The following POC1B variants were observed in gnomAD, a reference collection of about 807,000 sequenced individuals.
POC1B encodes POC1 centriolar protein homolog B.
In POC1B, 44 loss-of-function variants were observed where a neutral mutation model predicts 60.6. The ratio of observed to expected loss-of-function variants is 0.73; its 90% confidence interval spans 0.57 to 0.93. POC1B has a LOEUF of 0.93. Among genes scored for constraint, POC1B ranks in the 40% least tolerant of loss-of-function variants. The pLI is 0.00. For synonymous variants in POC1B, 180 were observed against 198.9 expected (o/e 0.90, Z 0.80); for missense variants, 555 against 572.3 (o/e 0.97, Z 0.31).
At chr12:89,499,355 G>A (rs1002738906) in intron 2 of POC1B, among the ~76,000 whole-genome samples, 1 of 152,172 alleles carries the variant, frequency 6.6e-6, no homozygotes, top group Non-Finnish European at 1.5e-5. Flanking sequence ...ACTAGAAGAG[G>A]GAGGAAAGGA....
chr12:89,409,277 T>C, the POC1B span, among the ~76,000 whole-genome samples: 2 of 152,224 alleles, frequency 1.3e-5, no homozygotes, highest in Non-Finnish European at 2.9e-5. Flanking sequence ...AAATCTTTAA[T>C]CCATCTTGAG....
At chr12:89,475,555 T>C (rs1341387583) in intron 4 of POC1B, among the ~76,000 whole-genome samples, 16 of 152,182 alleles carry the variant, frequency 1.1e-4, no homozygotes. Context: ...ACATCAAAAA[T>C]AGGTTAGCAC....
At chr12:89,408,612 A>G in the POC1B span, among the ~76,000 whole-genome samples, 1 of 151,850 alleles carries the variant, frequency 6.6e-6, no homozygotes, top group Non-Finnish European at 1.5e-5. Flanking sequence ...CAGCCTCCCA[A>G]GTAGCTGGGG....
intron 10 of POC1B, among the ~76,000 whole-genome samples, chr12:89,448,918 T>C (rs1220623040): frequency 1.3e-5 from 2 of 152,186 alleles, no homozygotes; most frequent in African/African-American, 4.8e-5. Context: ...CTTACAAACA[T>C]TGGTTGACTC....
chr12:89,424,183 A>G (rs1270108279), intron 11 of POC1B, among the ~76,000 whole-genome samples: 2 of 152,228 alleles, frequency 1.3e-5, no homozygotes, highest in Non-Finnish European at 2.9e-5. Context: ...TGATAACTAC[A>G]GGATAAAAAT....
rs1298712158 is a variant in POC1B, at chr12:89,470,349, G to T, written c.810+12C>A. ...TTTTATATATAAAAAGCAAGAATCT[G>T]AGTGTTAATACCGTATGTCCTTGAA... On this transcript the variant is annotated intron_variant, in intron 7 of 11. Transcript: ENST00000313546. 1 of 1,328,754 alleles carries T rather than the reference G, an allele frequency of 7.5e-7. No individual in the cohort carries two copies. Among genetic ancestry groups the T allele is most frequent in the Non-Finnish European group, 9.8e-7 (1 of 1,020,004 alleles). 82.3% of individuals were successfully genotyped at this position (1,328,754 alleles called of 1,614,324 possible).
intron 2 of POC1B, chr12:89,523,977 G>T: frequency 6.2e-7 from 1 of 1,613,872 alleles, no homozygotes; most frequent in East Asian, 2.2e-5. Flanking sequence ...TATCAAGATT[G>T]CTGATGTAAG....
intron 2 of POC1B, among the ~76,000 whole-genome samples, chr12:89,509,013 A>G (rs1186396918): frequency 6.6e-6 from 1 of 152,180 alleles, no homozygotes; most frequent in Non-Finnish European, 1.5e-5. Context: ...GACTATATAA[A>G]TATCGTCTTC....
chr12:89,457,972 G>GCTGT (rs1882324530), intron 10 of POC1B, among the ~76,000 whole-genome samples: 1 of 152,178 alleles, frequency 6.6e-6, no homozygotes, highest in Non-Finnish European at 1.5e-5. Flanking sequence ...GGGACATCCT[G>GCTGT]CTGTCCCTTG....
intron 9 of POC1B, among the ~76,000 whole-genome samples, chr12:89,465,290 G>GA (rs1281127100): frequency 6.6e-6 from 1 of 152,090 alleles, no homozygotes; most frequent in Non-Finnish European, 1.5e-5. Flanking sequence ...GTAAATCAGA[G>GA]AAAAAATGGC....
chr12:89,476,747 T>TAGACAGAC (rs755421486), intron 4 of POC1B, among the ~76,000 whole-genome samples: 2 of 128,710 alleles, frequency 1.6e-5, no homozygotes, highest in African/African-American at 5.9e-5. Flanking sequence ...GATAGATAGA[T>TAGACAGAC]AGATAGATAG....
At chr12:89,451,726 T>C (rs1882049761) in intron 10 of POC1B, among the ~76,000 whole-genome samples, 1 of 152,198 alleles carries the variant, frequency 6.6e-6, no homozygotes, top group Non-Finnish European at 1.5e-5. Context: ...CTGAAAAATA[T>C]GTGTTAGCAG....
intron 1 of POC1B, chr12:89,525,509 G>A (rs1410418600): frequency 4.6e-6 from 6 of 1,315,938 alleles, no homozygotes; most frequent in Non-Finnish European, 5.8e-6. Flanking sequence ...CCGCCCGCTG[G>A]CCCAAGGCAG....
intron 7 of POC1B, 50 bp downstream of exon 7, chr12:89,470,311 T>C (rs1882838300): frequency 1.0e-6 from 1 of 991,682 alleles, no homozygotes; most frequent in East Asian, 4.3e-5. Context: ...TTAAAATATA[T>C]ATTATTTTAT....
At chr12:89,447,118 CAA>C (rs1364821150) in intron 10 of POC1B, among the ~76,000 whole-genome samples, 21 of 152,004 alleles carry the variant, frequency 1.4e-4, no homozygotes, top group Admixed American at 2.6e-4. Flanking sequence ...CTCTCTAAAT[CAA>C]AAGTTTTCAA....
At position 89,425,160 on chromosome 12, in the gene POC1B, C is replaced by G; in HGVS notation, c.1332+1G>C. On this transcript the variant is annotated splice_donor_variant, in intron 11 of 11. Transcript: ENST00000313546. LOFTEE classifies it high-confidence loss of function. ...ACTCATGCAACCTGTGTCATGCCCACCTGTGTCAAAACATTGAGTTGTTCC... is the reference window on the plus strand; with the variant it reads ...ACTCATGCAACCTGTGTCATGCCCAGCTGTGTCAAAACATTGAGTTGTTCC... The G allele has an allele frequency of 1.9e-6, 3 of 1,613,910 alleles. No individual in the cohort carries two copies. Among genetic ancestry groups the G allele is most frequent in the Non-Finnish European group, 2.5e-6 (3 of 1,179,834 alleles).
At chr12:89,501,291 A>T (rs932456119) in intron 2 of POC1B, 5 of 1,024,900 alleles carry the variant, frequency 4.9e-6, no homozygotes, top group African/African-American at 3.1e-5. Context: ...ATGACTGTAG[A>T]TCTACAAAAT....
rs1300974704 is a variant in POC1B at position 89,501,325 on chromosome 12, G to A, written c.101-3983C>T. 3 of 1,005,434 alleles carry A rather than the reference G, an allele frequency of 3.0e-6. No homozygotes were observed. In the African/African-American group the frequency reaches 4.7e-5, roughly 16 times the overall value. 62.3% of individuals were successfully genotyped at this position (1,005,434 alleles called of 1,614,324 possible). On this transcript the variant is annotated intron_variant, in intron 2 of 11. Coordinates refer to ENST00000313546, the MANE Select transcript of POC1B (RefSeq NM_172240.3). ...ATATGAAATGTATTCCAAGAATGCA[G>A]AAAAATCATCTGGAAGCAAAAGGAC...
chr12:89,500,858 T>C (rs1869527931), intron 2 of POC1B: 3 of 1,058,934 alleles, frequency 2.8e-6, no homozygotes, highest in South Asian at 2.9e-5. Flanking sequence ...ATTCAGAATA[T>C]GAAATTCAAT....
Sources: gnomAD v4.1 joint callset for allele counts (sites outside exome capture counted in the v4.1 genomes callset) on GRCh38, gnomAD v4.1.1 for gene constraint, MANE v1.5 for transcripts, NCBI Gene and HGNC (gene_info 2026-07-23, HGNC 2026-07-21) for gene names.